FAM168A: variants seen among roughly 807,000 people sequenced by gnomAD.
FAM168A encodes family with sequence similarity 168 member A.
Under a neutral mutation model 28.5 loss-of-function variants are expected in FAM168A, and 3 were observed. That is an observed-to-expected ratio of 0.11 (90% CI 0.05 to 0.27). The LOEUF is 0.27. FAM168A is among the 10% of genes least tolerant of loss of function. FAM168A has a pLI of 1.00. For missense variants in FAM168A, 222 were observed against 311.5 expected (o/e 0.71, Z 2.16); for synonymous variants, 122 against 124.2 (o/e 0.98, Z 0.12).
intron 1 of FAM168A, among the ~76,000 whole-genome samples, chr11:73,509,203 T>C (rs7929493): frequency 0.039 from 5,973 of 152,290 alleles, 403 homozygotes; most frequent in African/African-American, 0.14. Context: ...AGCTTATCCA[T>C]GATCACACAG....
At chr11:73,480,989 A>G (rs1867960378) in intron 1 of FAM168A, among the ~76,000 whole-genome samples, 1 of 152,114 alleles carries the variant, frequency 6.6e-6, no homozygotes. Context: ...GTCTTTACAC[A>G]TGCTGTTTTG....
intron 1 of FAM168A, among the ~76,000 whole-genome samples, chr11:73,542,161 G>A (rs749831857): frequency 2.6e-5 from 4 of 152,130 alleles, no homozygotes; most frequent in Non-Finnish European, 5.9e-5. Flanking sequence ...TCTACTCCAT[G>A]GCTTTATATA....
At chr11:73,479,257 C>G (rs150264657) in intron 1 of FAM168A, among the ~76,000 whole-genome samples, 4 of 152,314 alleles carry the variant, frequency 2.6e-5, no homozygotes, top group African/African-American at 9.6e-5. Context: ...CTCTGCTATA[C>G]ATACCTCTGT....
rs1360565097 is a variant in FAM168A, at chr11:73,593,251, T to TC, written c.-19+4671dup. 3.0e-4 allele frequency among the ~76,000 whole-genome samples: 46 copies of TC among 152,318 alleles called. 1 individual carries two copies. The East Asian group carries it at 8.7e-3, about 29-fold the overall frequency. On this transcript the variant is annotated intron_variant, in intron 1 of 7. Transcript: ENST00000356467. ...AGAGGCTTTAAAGGTACTAGAAATCTCCTTTTTGTTAAGCTGGGTAGCAAG... is the reference window on the plus strand; with the variant it reads ...AGAGGCTTTAAAGGTACTAGAAATCTCCCTTTTTGTTAAGCTGGGTAGCAAG...
chr11:73,485,531 C>T (rs1241649028), intron 1 of FAM168A, among the ~76,000 whole-genome samples: 1 of 152,118 alleles, frequency 6.6e-6, no homozygotes, highest in Non-Finnish European at 1.5e-5. Flanking sequence ...GTCTGGTCAC[C>T]GGAAAGCTGA....
At chr11:73,589,557 CA>C (rs1217506381) in intron 1 of FAM168A, among the ~76,000 whole-genome samples, 9 of 149,644 alleles carry the variant, frequency 6.0e-5, no homozygotes, top group African/African-American at 2.2e-4. Flanking sequence ...TACAGATAAG[CA>C]AAAAAGTCCT....
At chr11:73,448,788 G>A (rs1252136486) in intron 2 of FAM168A, among the ~76,000 whole-genome samples, 1 of 152,124 alleles carries the variant, frequency 6.6e-6, no homozygotes, top group East Asian at 1.9e-4. Context: ...TCTTAGAGCA[G>A]GAGGAAAAGG....
chr11:73,556,997 C>G (rs1390237760), intron 1 of FAM168A, among the ~76,000 whole-genome samples: 1 of 151,814 alleles, frequency 6.6e-6, no homozygotes, highest in African/African-American at 2.4e-5. Flanking sequence ...CCACTGCACT[C>G]CAGTCTGGGC....
intron 1 of FAM168A, among the ~76,000 whole-genome samples, chr11:73,583,846 T>G (rs894916229): frequency 6.6e-6 from 1 of 152,192 alleles, no homozygotes; most frequent in Non-Finnish European, 1.5e-5. Flanking sequence ...GAGAGGATCT[T>G]GAACTACCTC....
intron 1 of FAM168A, among the ~76,000 whole-genome samples, chr11:73,545,612 G>T (rs116294298): frequency 0.018 from 2,751 of 150,638 alleles, 66 homozygotes; most frequent in African/African-American, 0.056. Context: ...TCTCAGTAAA[G>T]CTCTTTAACT....
intron 2 of FAM168A, among the ~76,000 whole-genome samples, chr11:73,431,871 T>C (rs900882563): frequency 3.3e-5 from 5 of 152,252 alleles, no homozygotes; most frequent in Non-Finnish European, 7.3e-5. Context: ...ATCATCACTA[T>C]TTGTTTCCAA....
chr11:73,534,844 T>G (rs1382040986), intron 1 of FAM168A, among the ~76,000 whole-genome samples: 1 of 151,934 alleles, frequency 6.6e-6, no homozygotes, highest in Non-Finnish European at 1.5e-5. Context: ...CTGGAGAGAG[T>G]AAAACAGAGA....
chr11:73,492,038 T>C (rs1169516916), intron 1 of FAM168A, among the ~76,000 whole-genome samples: 1 of 152,224 alleles, frequency 6.6e-6, no homozygotes, highest in Non-Finnish European at 1.5e-5. Context: ...CTTTATGATT[T>C]CCATAGTCTC....
chr11:73,529,523 G>A (rs922308684), intron 1 of FAM168A, among the ~76,000 whole-genome samples: 1 of 152,180 alleles, frequency 6.6e-6, no homozygotes, highest in African/African-American at 2.4e-5. Context: ...TAGGAAAGAG[G>A]ATATGTTTAA....
intron 1 of FAM168A, among the ~76,000 whole-genome samples, chr11:73,543,262 CTTTT>C (rs58715872): frequency 2.7e-5 from 3 of 111,852 alleles, no homozygotes; most frequent in Non-Finnish European, 5.3e-5. Context: ...ATTAATTGTT[CTTTT>C]TTTTTTTTTT....
chr11:73,497,401 G>C (rs59250186), intron 1 of FAM168A, among the ~76,000 whole-genome samples: 12,519 of 151,514 alleles, frequency 0.083, 1,572 homozygotes, highest in African/African-American at 0.27. Flanking sequence ...GGAGGCGGAG[G>C]TTGCACCACT....
At chr11:73,489,503 T>A (rs1411653401) in intron 1 of FAM168A, among the ~76,000 whole-genome samples, 1 of 144,006 alleles carries the variant, frequency 6.9e-6, no homozygotes, top group Non-Finnish European at 1.5e-5. Flanking sequence ...CCACACCCCA[T>A]CCCCCACTTT....
At chr11:73,562,867 G>A (rs1264337019) in intron 1 of FAM168A, among the ~76,000 whole-genome samples, 1 of 152,082 alleles carries the variant, frequency 6.6e-6, no homozygotes, top group African/African-American at 2.4e-5. Flanking sequence ...GGGTGGTTCT[G>A]CCTGAACCTG....
At chr11:73,540,260 A>G (rs1371518243) in intron 1 of FAM168A, among the ~76,000 whole-genome samples, 1 of 152,234 alleles carries the variant, frequency 6.6e-6, no homozygotes, top group East Asian at 1.9e-4. Flanking sequence ...TATACTGTCA[A>G]CAATAGTAGG....
Sources: allele counts gnomAD v4.1 joint callset (sites outside exome capture counted in the v4.1 genomes callset), GRCh38; gene constraint gnomAD v4.1.1; transcripts MANE v1.5; gene names NCBI Gene and HGNC (gene_info 2026-07-23, HGNC 2026-07-21).